RTL4: variants seen among roughly 807,000 people sequenced by gnomAD.
RTL4 encodes retrotransposon Gag-like protein 4.
In RTL4, 4 loss-of-function variants were observed where a neutral mutation model predicts 5.3. The ratio of observed to expected loss-of-function variants is 0.75; its 90% CI spans 0.37 to 1.72. The LOEUF (loss-of-function observed/expected upper bound fraction) is 1.72, where lower values mean the gene tolerates loss of function less well. Among genes scored for constraint, RTL4 ranks in the 40% most tolerant of loss-of-function variants. RTL4 has a pLI of 0.04. For missense variants in RTL4, 260 were observed against 227.1 expected, an observed-to-expected ratio of 1.14 and a Z score of -0.93; for synonymous variants, 98 against 87.3, an observed-to-expected ratio of 1.12 and a Z score of -0.68.
At chrX:112,139,031 T>C in the RTL4 span, among the ~76,000 whole-genome samples, 2 of 111,872 alleles carry the variant, frequency 1.8e-5, no homozygotes, top group Non-Finnish European at 3.8e-5. Context: ...CAATCTCTCA[T>C]GTTTCTCATG....
the RTL4 span, among the ~76,000 whole-genome samples, chrX:112,286,898 A>G: frequency 9.8e-5 from 11 of 111,791 alleles, no homozygotes; most frequent in African/African-American, 3.6e-4. Context: ...GAATATCACC[A>G]CATGGAATGA....
the RTL4 span, among the ~76,000 whole-genome samples, chrX:112,097,505 A>T: frequency 1.8e-5 from 2 of 110,857 alleles, no homozygotes; most frequent in African/African-American, 6.6e-5. Context: ...GTGTGATGGT[A>T]CACATCTGTA....
At chrX:112,170,142 T>C in the RTL4 span, among the ~76,000 whole-genome samples, 1 of 112,218 alleles carries the variant, frequency 8.9e-6, no homozygotes, top group African/African-American at 3.2e-5. Context: ...ACCAGTACCA[T>C]GCTGTTTTGG....
rs201359255 is a variant in RTL4, at chrX:112,455,241, A to G, written c.513A>G (p.Gln171=). 586 of 1,209,551 alleles carry G rather than the reference A, an allele frequency of 4.8e-4. 3 individuals carry two copies. In the Admixed American group the frequency reaches 0.012, roughly 26 times the overall value. The change falls in exon 1 of 1, where the codon CAA becomes CAG. Residue 171 remains glutamine, a synonymous_variant. Transcript: ENST00000340433. ...CTGCTACTTTCCACCTCCTCGCTCA[A>G]AATCTGATCTGTAATGAAACCAATC...
chrX:112,123,721 G>C, the RTL4 span, among the ~76,000 whole-genome samples: 1 of 112,053 alleles, frequency 8.9e-6, no homozygotes, highest in African/African-American at 3.2e-5. Flanking sequence ...CTGTAGCCTT[G>C]TAGTATAGCT....
the RTL4 span, among the ~76,000 whole-genome samples, chrX:112,254,125 T>A: frequency 9.0e-6 from 1 of 111,616 alleles, no homozygotes; most frequent in Non-Finnish European, 1.9e-5. Flanking sequence ...TCTCTGATAC[T>A]CCCAATATTA....
the RTL4 span, among the ~76,000 whole-genome samples, chrX:112,259,612 G>A: frequency 2.7e-5 from 3 of 110,724 alleles, no homozygotes; most frequent in Non-Finnish European, 5.7e-5. Flanking sequence ...ATCATACAGT[G>A]CTACCCAGTT....
the RTL4 span, among the ~76,000 whole-genome samples, chrX:112,428,767 TA>T: frequency 1.8e-5 from 2 of 111,282 alleles, no homozygotes; most frequent in Non-Finnish European, 3.8e-5. Context: ...TCTCCAACTA[TA>T]ACAGTGGATT....
the RTL4 span, among the ~76,000 whole-genome samples, chrX:112,279,002 A>T: frequency 9.0e-6 from 1 of 111,396 alleles, no homozygotes; most frequent in Non-Finnish European, 1.9e-5. Flanking sequence ...TTAGAAGATA[A>T]AGTTATGGAA....
chrX:112,170,396 G>A, the RTL4 span, among the ~76,000 whole-genome samples: 1 of 111,889 alleles, frequency 8.9e-6, no homozygotes, highest in Non-Finnish European at 1.9e-5. Flanking sequence ...GGAAGATTTT[G>A]CCACTTGTTT....
chrX:112,303,987 G>A, the RTL4 span, among the ~76,000 whole-genome samples: 3 of 110,308 alleles, frequency 2.7e-5, no homozygotes, highest in African/African-American at 6.6e-5. Flanking sequence ...CTACTGTCTC[G>A]AAGTGTTGCG....
At chrX:112,350,582 G>T in the RTL4 span, among the ~76,000 whole-genome samples, 2 of 111,433 alleles carry the variant, frequency 1.8e-5, no homozygotes, top group Non-Finnish European at 3.8e-5. Flanking sequence ...ACTTCTTCCT[G>T]ATTTAGTCTT....
chrX:112,393,161 G>GT, the RTL4 span, among the ~76,000 whole-genome samples: 2,106 of 71,204 alleles, frequency 0.03, 26 homozygotes, highest in Admixed American at 0.056. Flanking sequence ...TTTTTTTTTT[G>GT]TTTTTTTTTT....
At chrX:112,152,994 C>A in the RTL4 span, among the ~76,000 whole-genome samples, 11 of 111,546 alleles carry the variant, frequency 9.9e-5, no homozygotes, top group African/African-American at 3.2e-4. Flanking sequence ...TAATTTATAG[C>A]CAGGTACAAC....
the RTL4 span, among the ~76,000 whole-genome samples, chrX:112,293,277 T>C: frequency 8.9e-6 from 1 of 112,408 alleles, no homozygotes; most frequent in African/African-American, 3.2e-5. Context: ...GACCTCCATC[T>C]ATAGACACAC....
At chrX:112,220,247 A>G in the RTL4 span, among the ~76,000 whole-genome samples, 1 of 112,856 alleles carries the variant, frequency 8.9e-6, no homozygotes, top group African/African-American at 3.2e-5. Context: ...ATTGAAAAAT[A>G]TATTTGTTCT....
chrX:112,161,980 C>A, the RTL4 span, among the ~76,000 whole-genome samples: 2 of 108,974 alleles, frequency 1.8e-5, no homozygotes, highest in South Asian at 8.1e-4. Context: ...AAGAACTTCA[C>A]GCAATAATGC....
At chrX:112,351,494 G>T in the RTL4 span, among the ~76,000 whole-genome samples, 1 of 107,627 alleles carries the variant, frequency 9.3e-6, no homozygotes, top group Non-Finnish European at 1.9e-5. Flanking sequence ...ATTAATGTGT[G>T]GGAGTCTAAG....
At chrX:112,456,105 G>A (rs1926839307) in exon 1 of RTL4, 1 of 274,315 alleles carries the variant, frequency 3.6e-6, no homozygotes, top group African/African-American at 3.8e-5. Context: ...CTAGTTTCCT[G>A]TTGGCTTAGG....
Sources: allele counts gnomAD v4.1 joint callset (sites outside exome capture counted in the v4.1 genomes callset), GRCh38; gene constraint gnomAD v4.1.1; transcripts MANE v1.5; gene names NCBI Gene and HGNC (gene_info 2026-07-23, HGNC 2026-07-21).